The following LEMD2 variants were observed in gnomAD, a reference collection of about 807,000 sequenced individuals.
LEMD2 encodes the protein LEM domain-containing protein 2.
A neutral mutation model predicts 58.8 loss-of-function variants in LEMD2; 34 were observed. The ratio of observed to expected loss-of-function variants is 0.58; its 90% CI spans 0.44 to 0.77. LEMD2 has a LOEUF of 0.77. LEMD2 is among the 30% of genes least tolerant of loss of function. LEMD2 has a pLI of 0.00. For missense variants in LEMD2, 629 were observed against 717.9 expected (o/e 0.88, Z 1.42); for synonymous variants, 298 against 308.9 (o/e 0.96, Z 0.37).
At chr6:33,776,633 G>A (rs1458822696) in intron 8 of LEMD2, 1 of 376,648 alleles carries the variant, frequency 2.7e-6, no homozygotes, top group South Asian at 2.6e-5. Flanking sequence ...AGAGACTGAG[G>A]AGATCCTTCA....
At position 33,789,071 on chromosome 6, in the gene LEMD2, G is replaced by A. The variant is rs1231819596; in HGVS notation, c.46C>T (p.Leu16=). 1 of 1,545,486 alleles carries A rather than the reference G, an allele frequency of 6.5e-7. No individual in the cohort carries two copies. The highest frequency in any genetic ancestry group is 1.4e-5 in the African/African-American group (1 of 70,382). Residue 16 remains leucine, a synonymous_variant, in exon 1 of 9, where the codon CTG becomes TTG. Transcript: ENST00000293760. ...DLELRRELQA[L]GFQPGPITDT... is the part of the protein sequence containing the mutation. ...GTGATGGGTCCTGGCTGGAAGCCCAGGGCCTGCAGCTCCCGCCGCAGTTCC... is the reference window on the plus strand; with the variant it reads ...GTGATGGGTCCTGGCTGGAAGCCCAAGGCCTGCAGCTCCCGCCGCAGTTCC...
rs1236993825 is a variant in LEMD2, at chr6:33,771,344, AT to A, written c.*1283del. 6.6e-6 allele frequency: 1 copy of A among 152,218 alleles called. No homozygotes were observed. Among genetic ancestry groups the A allele is most frequent in the Non-Finnish European group, 1.5e-5 (1 of 68,052 alleles). 9.4% of individuals were successfully genotyped at this position (152,218 alleles called of 1,614,324 possible). On this transcript the variant is annotated 3_prime_UTR_variant, in exon 9 of 9. Coordinates refer to ENST00000293760, the MANE Select transcript of LEMD2 (RefSeq NM_181336.4). The stretch of plus-strand genomic sequence containing the variant: ...GCCTCACCACGGGGCCAGCGCTCAG[AT>A]TCCTGCCCTGCCGATCATCCAGACA...
At chr6:33,773,355 G>A (rs1171694753) in intron 8 of LEMD2, among the ~76,000 whole-genome samples, 1 of 152,142 alleles carries the variant, frequency 6.6e-6, no homozygotes, top group African/African-American at 2.4e-5. Context: ...CCCCTGGACA[G>A]CCTTCCCCTC....
intron 8 of LEMD2, among the ~76,000 whole-genome samples, chr6:33,773,362 CCTCAT>C (rs1377139202): frequency 6.6e-6 from 1 of 152,114 alleles, no homozygotes; most frequent in African/African-American, 2.4e-5. Flanking sequence ...ACAGCCTTCC[CCTCAT>C]CTCTTCTTCC....
chr6:33,779,517 C>A (rs1228152974), intron 5 of LEMD2: 1 of 152,170 alleles, frequency 6.6e-6, no homozygotes, highest in Non-Finnish European at 1.5e-5. Context: ...ACAGGTCTCT[C>A]AAGGCTGCCT....
Position 33,787,031 on chromosome 6 carries a change from C to T in LEMD2, c.737-257G>A, listed in dbSNP as rs1767693011. 3 of 653,450 alleles carry T rather than the reference C, an allele frequency of 4.6e-6. No individual in the cohort carries two copies. The South Asian group carries it at 7.2e-5, about 16-fold the overall frequency. 40.5% of individuals were successfully genotyped at this position (653,450 alleles called of 1,614,324 possible). On this transcript the variant is annotated intron_variant, in intron 1 of 8. Transcript: ENST00000293760. The stretch of plus-strand genomic sequence containing the variant: ...ATTAGCTCAAGTTTCTTGGGCAACT[C>T]AACCACTCTGAACCTCTGTCTCCTC...
intron 3 of LEMD2, among the ~76,000 whole-genome samples, chr6:33,782,901 C>A (rs1026148482): frequency 6.6e-6 from 1 of 152,242 alleles, no homozygotes; most frequent in Non-Finnish European, 1.5e-5. Context: ...ACCTTCAAGG[C>A]GGCCCCCCAG....
In LEMD2 at chr6:33,778,954, G is replaced by A. The variant is rs1173337657; in HGVS notation, c.1011-567C>T. ...ATGGTCTCTGGCCAGGAGGTGTCAG[G>A]ACCTGCAGAGGTGGGGACACCAGAG... On this transcript the variant is annotated intron_variant, in intron 5 of 8. Coordinates refer to ENST00000293760, the MANE Select transcript of LEMD2 (RefSeq NM_181336.4). The surrounding 1 kb of genome is among the most constrained non-coding windows in gnomAD (Gnocchi z 4.7). The A allele has an allele frequency of 1.3e-5, 2 of 152,220 alleles. No individual in the cohort carries two copies. Among genetic ancestry groups the A allele is most frequent in the East Asian group, 3.9e-4 (2 of 5,194 alleles). 9.4% of individuals were successfully genotyped at this position (152,220 alleles called of 1,614,324 possible).
At chr6:33,781,488 A>C in intron 3 of LEMD2, 2 of 225,974 alleles carry the variant, frequency 8.9e-6, no homozygotes, top group Non-Finnish European at 1.7e-5. Context: ...ATAAATAAAC[A>C]CAGCCTGAGA....
In LEMD2 at chr6:33,788,490, C is replaced by A; in HGVS notation, c.627G>T (p.Trp209Cys). Residue 209 changes from tryptophan to cysteine, a missense_variant, in exon 1 of 9, where the codon TGG (tryptophan) becomes TGT (cysteine). This residue lies in a region of LEMD2 where 386 missense variants were observed against 381.1 expected (regional missense o/e 1.01). Coordinates refer to ENST00000293760, the MANE Select transcript of LEMD2 (RefSeq NM_181336.4). Reference protein sequence around the residue: ...RPEVGRRLERWLSRLLLWASL... With the variant: ...RPEVGRRLERCLSRLLLWASL... ...TGGCCCAGAGCAGAAGCCGAGAGAG[C>A]CAGCGCTCCAGCCGGCGCCCCACCT... The A allele has an allele frequency of 6.5e-7, 1 of 1,546,486 alleles. No individual in the cohort carries two copies. Among genetic ancestry groups the A allele is most frequent in the East Asian group, 2.5e-5 (1 of 39,774 alleles).
intron 3 of LEMD2, 33 bp from the exon 4 acceptor site, chr6:33,781,186 C>T (rs761971188): frequency 1.2e-5 from 17 of 1,371,020 alleles, no homozygotes; most frequent in Non-Finnish European, 1.7e-5. Context: ...TGCTCAAACA[C>T]AAAGGAAAAA....
At chr6:33,785,169 G>A (rs567873912) in intron 2 of LEMD2, among the ~76,000 whole-genome samples, 46 of 152,300 alleles carry the variant, frequency 3.0e-4, no homozygotes, top group Admixed American at 7.2e-4. Flanking sequence ...GCCCGTCTGT[G>A]ATCTCGGTAA....
intron 5 of LEMD2, chr6:33,779,326 G>A (rs1186324213): frequency 6.6e-6 from 1 of 151,920 alleles, no homozygotes; most frequent in Non-Finnish European, 1.5e-5. Context: ...GCTTGAGGTG[G>A]AGCTGCCCGA....
rs1345095287 is a variant in LEMD2, at chr6:33,788,584, C to A, written c.533G>T (p.Gly178Val). ...APARLPSSLL[G>V]PDPRPGLRAT... is the part of the protein sequence containing the mutation. ...CCGCAGGCCCGGGCGCGGGTCGGGACCGAGGAGGGAGGAAGGCAGCCGCGC... is the reference window on the plus strand; with the variant it reads ...CCGCAGGCCCGGGCGCGGGTCGGGAACGAGGAGGGAGGAAGGCAGCCGCGC... The change falls in exon 1 of 9, where the codon GGT becomes GTT. Residue 178 changes from glycine to valine, a missense_variant. By Grantham distance (109) the Gly-to-Val change is moderately radical. This residue lies in a region of LEMD2 where 386 missense variants were observed against 381.1 expected (regional missense o/e 1.01). Coordinates refer to ENST00000293760, the MANE Select transcript of LEMD2 (RefSeq NM_181336.4). 3 of 1,321,676 alleles carry A rather than the reference C, an allele frequency of 2.3e-6. No homozygotes were observed. The highest frequency in any genetic ancestry group is 1.9e-6 in the Non-Finnish European group (2 of 1,039,768). 81.9% of individuals were successfully genotyped at this position (1,321,676 alleles called of 1,614,324 possible). A position where few individuals can be genotyped will look rare whatever the true frequency, so the allele number is the denominator to read the frequency against.
chr6:33,784,168 G>A lies in LEMD2; in HGVS notation c.853+184C>T, dbSNP rs61394483. On this transcript the variant is annotated intron_variant, in intron 3 of 8. Transcript: ENST00000293760. ...TCAAATATGTTTTGTTCAAACACAA[G>A]GCTTATAAAAGATGTGCCTGAGTGA... 0.22 allele frequency among the ~76,000 whole-genome samples: 32,786 copies of A among 152,234 alleles called. 3,780 individuals carry two copies. Among genetic ancestry groups the A allele is most frequent in the Admixed American group, 0.29 (4,460 of 15,292 alleles).
intron 8 of LEMD2, among the ~76,000 whole-genome samples, chr6:33,773,679 G>A (rs903100507): frequency 2.0e-5 from 3 of 152,148 alleles, no homozygotes; most frequent in African/African-American, 7.2e-5. Context: ...CAACTTGGCT[G>A]GTCTGGCCGA....
Position 33,772,552 on chromosome 6 carries a change from G to T in LEMD2, c.*76C>A. On this transcript the variant is annotated 3_prime_UTR_variant, in exon 9 of 9. Coordinates refer to ENST00000293760, the MANE Select transcript of LEMD2 (RefSeq NM_181336.4). Reference sequence around the variant, plus strand: ...GGCAAGTGTGAATTCAGCACCGCAGGCCTGGTGACCCTCCTGTGCCTCTGG... The same window carrying T: ...GGCAAGTGTGAATTCAGCACCGCAGTCCTGGTGACCCTCCTGTGCCTCTGG... 1 of 1,415,616 alleles carries T rather than the reference G, an allele frequency of 7.1e-7. No homozygotes were observed. The highest frequency in any genetic ancestry group is 9.7e-7 in the Non-Finnish European group (1 of 1,027,644). The allele number at this position is 1,415,616 out of a possible 1,614,324, so 87.7% of individuals were successfully genotyped here.
intron 1 of LEMD2, 134 bp downstream of exon 1, chr6:33,788,247 G>A (rs1767727024): frequency 2.1e-6 from 2 of 931,840 alleles, no homozygotes; most frequent in Non-Finnish European, 1.5e-6. Context: ...AAGAAGGCAG[G>A]CCTGGAAATG....
chr6:33,781,373 C>G (rs1028136698), intron 3 of LEMD2: 1 of 552,602 alleles, frequency 1.8e-6, no homozygotes, highest in Non-Finnish European at 3.2e-6. Flanking sequence ...AGCAGTGTGG[C>G]ATTTTGCATT....
Sources: allele counts gnomAD v4.1 joint callset (sites outside exome capture counted in the v4.1 genomes callset), GRCh38; gene constraint gnomAD v4.1.1; regional missense constraint gnomAD v4.1.1; non-coding constraint Gnocchi (gnomAD v3.1); transcripts MANE v1.5; gene names NCBI Gene and HGNC (gene_info 2026-07-23, HGNC 2026-07-21).